The following SFRP1 variants were observed in gnomAD, a reference collection of about 807,000 sequenced individuals.
SFRP1 encodes secreted frizzled-related protein 1.
Under a neutral mutation model 25.9 loss-of-function variants are expected in SFRP1, and 9 were observed. The ratio of observed to expected loss-of-function variants is 0.35; its 90% confidence interval spans 0.21 to 0.61. The LOEUF (loss-of-function observed/expected upper bound fraction) is 0.61. SFRP1 is among the 20% of genes least tolerant of loss of function. The pLI, the probability that SFRP1 is intolerant of heterozygous loss-of-function variation, is 0.78. For synonymous variants in SFRP1, 178 were observed against 174.0 expected (o/e 1.02, Z -0.18); for missense variants, 346 against 418.2 (o/e 0.83, Z 1.51).
chr8:41,265,493 G>C lies in SFRP1; in HGVS notation c.623-4C>G, dbSNP rs1160438192. The C allele has an allele frequency of 1.3e-6, 2 of 1,596,862 alleles. No homozygotes were observed. The highest frequency in any genetic ancestry group is 1.4e-5 in the African/African-American group (1 of 73,702). ...TCTTTTATTTTCATCCTCAGTGCTA[G>C]AGATGGAGAGGACAGAAGAAGAGAA... On this transcript the variant is annotated splice_region_variant and splice_polypyrimidine_tract_variant and intron_variant, in intron 2 of 2. Transcript: ENST00000220772.
Position 41,274,586 on chromosome 8 carries a change from T to C in SFRP1, c.623-9097A>G, listed in dbSNP as rs143174886. The stretch of plus-strand genomic sequence containing the variant: ...AATAACAGAAAATCAATAAAGAACA[T>C]CTAAATATTAAAAATAAGAAATCCA... On this transcript the variant is annotated intron_variant, in intron 2 of 2. Coordinates refer to ENST00000220772, the MANE Select transcript of SFRP1 (RefSeq NM_003012.5). Among the ~76,000 whole-genome samples, 240 of 152,238 alleles carry C rather than the reference T, an allele frequency of 1.6e-3. 1 individual carries two copies. Among genetic ancestry groups the C allele is most frequent in the African/African-American group, 5.2e-3 (218 of 41,544 alleles).
At chr8:41,299,855 G>GT (rs1199861846) in intron 2 of SFRP1, among the ~76,000 whole-genome samples, 3 of 151,908 alleles carry the variant, frequency 2.0e-5, no homozygotes, top group Admixed American at 6.6e-5. Flanking sequence ...AAGAAGTATG[G>GT]TTTTTTTATT....
In SFRP1 at chr8:41,265,121, C is replaced by CA; in HGVS notation, c.*45_*46insT. On this transcript the variant is annotated 3_prime_UTR_variant, in exon 3 of 3. Transcript: ENST00000220772. ...GGTTCCCGGGGCACTGTCCCCCCCG[C>CA]TCCCACCCCACCCGAGGCTCCCTCC... 6 of 424,500 alleles carry CA rather than the reference C, an allele frequency of 1.4e-5. No individual in the cohort carries two copies. The highest frequency in any genetic ancestry group is 2.3e-5 in the Non-Finnish European group (5 of 219,948). 26.3% of individuals were successfully genotyped at this position (424,500 alleles called of 1,614,324 possible).
chr8:41,301,770 C>T (rs775802147), intron 2 of SFRP1, among the ~76,000 whole-genome samples: 16 of 152,316 alleles, frequency 1.1e-4, no homozygotes, highest in Non-Finnish European at 1.9e-4. Flanking sequence ...CTAAAGGAAC[C>T]CAATCCCAAA....
intron 2 of SFRP1, among the ~76,000 whole-genome samples, chr8:41,268,964 G>A (rs1222805756): frequency 6.6e-6 from 1 of 152,264 alleles, no homozygotes; most frequent in Non-Finnish European, 1.5e-5. Flanking sequence ...GCTGGATACA[G>A]TCCCAGGTCC....
At chr8:41,272,662 A>C (rs557835127) in intron 2 of SFRP1, among the ~76,000 whole-genome samples, 5 of 152,232 alleles carry the variant, frequency 3.3e-5, no homozygotes, top group Non-Finnish European at 7.3e-5. Flanking sequence ...AGGTTGAAGA[A>C]ATTTCATGAA....
intron 1 of SFRP1, among the ~76,000 whole-genome samples, chr8:41,305,684 A>G (rs1225585244): frequency 6.6e-6 from 1 of 152,244 alleles, no homozygotes; most frequent in Non-Finnish European, 1.5e-5. Flanking sequence ...AAATGAACAA[A>G]AAAAGCAAAG....
intron 2 of SFRP1, among the ~76,000 whole-genome samples, chr8:41,268,026 T>C (rs996134456): frequency 1.3e-5 from 2 of 152,238 alleles, no homozygotes; most frequent in African/African-American, 4.8e-5. Flanking sequence ...GAAAGCTTTA[T>C]TATTTAATAT....
In SFRP1 at chr8:41,302,500, G is replaced by A. The variant is rs543447886; in HGVS notation, c.622+961C>T. Reference sequence around the variant, plus strand: ...CCTATCTTTACGCTTTTCCAGATAAGAATTCTGTAAGAAATCCGATCTCAG... The same window carrying A: ...CCTATCTTTACGCTTTTCCAGATAAAAATTCTGTAAGAAATCCGATCTCAG... On this transcript the variant is annotated intron_variant, in intron 2 of 2. Coordinates refer to ENST00000220772, the MANE Select transcript of SFRP1 (RefSeq NM_003012.5). 3.3e-5 allele frequency among the ~76,000 whole-genome samples: 5 copies of A among 152,300 alleles called. No individual in the cohort carries two copies. In the South Asian group the frequency reaches 8.3e-4, roughly 25 times the overall value.
chr8:41,308,802 C>T lies in SFRP1; in HGVS notation c.358G>A (p.Val120Ile). The T allele has an allele frequency of 2.5e-6, 4 of 1,610,878 alleles. No individual in the cohort carries two copies. The highest frequency in any genetic ancestry group is 3.4e-6 in the Non-Finnish European group (4 of 1,179,120). The change falls in exon 1 of 3, where the codon GTC becomes ATC. Residue 120 changes from valine (V) to isoleucine (I), a missense_variant. Coordinates refer to ENST00000220772, the MANE Select transcript of SFRP1 (RefSeq NM_003012.5). ...GGGTAGATGGGCCGGTCCAGGCAGA[C>T]GGGCGCGAAGAGCGAGCAGAGGAAG... is the stretch of plus-strand genomic sequence containing the variant. ...QVFLCSLFAP[V>I]CLDRPIYPCR... is the part of the protein sequence containing the mutation.
At chr8:41,306,896 C>A in intron 1 of SFRP1, 1 of 1,588,882 alleles carries the variant, frequency 6.3e-7, no homozygotes. Flanking sequence ...ATTCTTTCCT[C>A]TCTTCTTCAG....
At position 41,263,508 on chromosome 8, in the gene SFRP1, A is replaced by C. The variant is rs61412814; in HGVS notation, c.*1659T>G. The stretch of plus-strand genomic sequence containing the variant: ...ACCATCCTTTCCTCCGGGTCAGGCT[A>C]GGGCCGCAGGGGGCCACTTTACAGC... On this transcript the variant is annotated 3_prime_UTR_variant, in exon 3 of 3. Coordinates refer to ENST00000220772, the MANE Select transcript of SFRP1 (RefSeq NM_003012.5). 1 of 152,256 alleles carries C rather than the reference A, an allele frequency of 6.6e-6. No homozygotes were observed. The highest frequency in any genetic ancestry group is 6.5e-5 in the Admixed American group (1 of 15,280). The allele number at this position is 152,256 out of a possible 1,614,324, so 9.4% of individuals were successfully genotyped here.
chr8:41,308,180 C>T (rs991927467), intron 1 of SFRP1, among the ~76,000 whole-genome samples: 1 of 152,224 alleles, frequency 6.6e-6, no homozygotes, highest in Non-Finnish European at 1.5e-5. Flanking sequence ...GAACTTTCTA[C>T]GCTTTGGGTT....
rs751194586 is a variant in SFRP1 at position 41,308,985 on chromosome 8, C to A, written c.175G>T (p.Val59Leu). ...GRFYTKPPQC[V>L]DIPADLRLCH... is the part of the protein sequence containing the mutation. ...AGCCGCAGGTCCGCGGGGATGTCCA[C>A]GCACTGAGGTGGCTTGGTGTAGAAG... The change falls in exon 1 of 3, where the codon GTG becomes TTG. Residue 59 changes from valine to leucine, a missense_variant. Val to Leu is a conservative substitution (Grantham distance 32). Transcript: ENST00000220772. 77 of 1,613,132 alleles carry A rather than the reference C, an allele frequency of 4.8e-5. 1 individual carries two copies. In the South Asian group the frequency reaches 7.4e-4, roughly 15 times the overall value.
chr8:41,279,099 T>C (rs1803604381), intron 2 of SFRP1, among the ~76,000 whole-genome samples: 1 of 151,942 alleles, frequency 6.6e-6, no homozygotes, highest in Non-Finnish European at 1.5e-5. Flanking sequence ...CTACCTCTCC[T>C]CCTCCCCTCT....
In SFRP1 at chr8:41,264,294, G is replaced by T. The variant is rs147443130; in HGVS notation, c.*873C>A. 5.9e-5 allele frequency: 9 copies of T among 152,330 alleles called. No individual in the cohort carries two copies. The highest frequency in any genetic ancestry group is 1.7e-4 in the African/African-American group (7 of 41,564). 9.4% of individuals were successfully genotyped at this position (152,330 alleles called of 1,614,324 possible). A position where few individuals can be genotyped will look rare whatever the true frequency, so the allele number is the denominator to read the frequency against. ...CACAATTCACCCTGACTAGCAATTT[G>T]CTGGACTGTTCTAAAATTTTTTTCA... is the stretch of plus-strand genomic sequence containing the variant. On this transcript the variant is annotated 3_prime_UTR_variant, in exon 3 of 3. Coordinates refer to ENST00000220772, the MANE Select transcript of SFRP1 (RefSeq NM_003012.5).
At chr8:41,295,684 A>C (rs1054241089) in intron 2 of SFRP1, among the ~76,000 whole-genome samples, 2 of 151,920 alleles carry the variant, frequency 1.3e-5, no homozygotes, top group African/African-American at 4.8e-5. Context: ...CTAATTCCCA[A>C]ATGGGTCTCT....
intron 2 of SFRP1, among the ~76,000 whole-genome samples, chr8:41,292,589 C>T (rs1319504027): frequency 6.6e-6 from 1 of 152,148 alleles, no homozygotes; most frequent in Non-Finnish European, 1.5e-5. Flanking sequence ...GTCTTTATAG[C>T]AGTGTGAGAA....
At chr8:41,277,452 G>T (rs1803585359) in intron 2 of SFRP1, among the ~76,000 whole-genome samples, 1 of 152,188 alleles carries the variant, frequency 6.6e-6, no homozygotes, top group Admixed American at 6.5e-5. Context: ...GGAGGGAAAA[G>T]ATGGGGAGTG....
Sources: allele counts gnomAD v4.1 joint callset (sites outside exome capture counted in the v4.1 genomes callset), GRCh38; gene constraint gnomAD v4.1.1; transcripts MANE v1.5; gene names NCBI Gene and HGNC (gene_info 2026-07-23, HGNC 2026-07-21).